RIMKLB: variants seen among roughly 807,000 people sequenced by gnomAD.
RIMKLB encodes the protein beta-citrylglutamate synthase B.
Under a neutral mutation model 32.0 loss-of-function variants are expected in RIMKLB, and 7 were observed. The ratio of observed to expected loss-of-function variants is 0.22; its 90% CI spans 0.12 to 0.41. The LOEUF is 0.41. RIMKLB is among the 10% of genes least tolerant of loss of function. RIMKLB has a pLI of 1.00. For synonymous variants in RIMKLB, 172 were observed against 185.1 expected (o/e 0.93, Z 0.57); for missense variants, 289 against 498.7 (o/e 0.58, Z 4.00).
chr12:8,705,805 G>A (rs1458952027), intron 1 of RIMKLB, among the ~76,000 whole-genome samples: 1 of 152,136 alleles, frequency 6.6e-6, no homozygotes, highest in African/African-American at 2.4e-5. Context: ...TGAAATTTTT[G>A]GGGAGACCAG....
At chr12:8,669,844 A>G in the RIMKLB span, among the ~76,000 whole-genome samples, 1 of 151,474 alleles carries the variant, frequency 6.6e-6, no homozygotes, top group Non-Finnish European at 1.5e-5. Context: ...TGGCTAACAC[A>G]GTGAAACCCC....
chr12:8,753,760 A>G (rs1565618255), intron 4 of RIMKLB, 130 bp from the exon 5 acceptor site: 3 of 700,848 alleles, frequency 4.3e-6, no homozygotes, highest in Admixed American at 2.7e-5. Context: ...CAGTTCTAAC[A>G]AAGAAAACTT....
At chr12:8,727,269 CTG>C (rs1364428763) in intron 2 of RIMKLB, among the ~76,000 whole-genome samples, 1 of 152,176 alleles carries the variant, frequency 6.6e-6, no homozygotes, top group Non-Finnish European at 1.5e-5. Flanking sequence ...GACAGAATCT[CTG>C]TTGCCCAGGC....
chr12:8,695,586 T>C (rs143999758), upstream of RIMKLB, among the ~76,000 whole-genome samples: 1 of 152,286 alleles, frequency 6.6e-6, no homozygotes, highest in East Asian at 1.9e-4. Flanking sequence ...AATACCCTCC[T>C]GAGCTTTGTT....
chr12:8,739,962 G>A (rs938055144), intron 2 of RIMKLB, among the ~76,000 whole-genome samples: 1 of 152,194 alleles, frequency 6.6e-6, no homozygotes, highest in African/African-American at 2.4e-5. Context: ...GGCTGGGGGT[G>A]TGGTGGCATA....
At chr12:8,746,931 C>T (rs1328229331) in intron 2 of RIMKLB, among the ~76,000 whole-genome samples, 1 of 152,038 alleles carries the variant, frequency 6.6e-6, no homozygotes, top group Non-Finnish European at 1.5e-5. Flanking sequence ...TTTGTAGAGA[C>T]GTGGATCTCA....
At chr12:8,766,009 G>A (rs904164560) in intron 5 of RIMKLB, among the ~76,000 whole-genome samples, 2 of 152,030 alleles carry the variant, frequency 1.3e-5, no homozygotes, top group Non-Finnish European at 1.5e-5. Flanking sequence ...TACTGCAGAA[G>A]AATATAAGTC....
intron 1 of RIMKLB, among the ~76,000 whole-genome samples, chr12:8,701,732 C>T (rs184125825): frequency 4.7e-5 from 7 of 150,026 alleles, no homozygotes; most frequent in Non-Finnish European, 7.4e-5. Context: ...GGGCCAGGTG[C>T]GGTGGCTCAC....
intron 2 of RIMKLB, among the ~76,000 whole-genome samples, chr12:8,717,113 C>A (rs777959641): frequency 5.0e-5 from 6 of 118,998 alleles, no homozygotes; most frequent in African/African-American, 1.9e-4. Flanking sequence ...ACTCTCATAT[C>A]TTATAAGGGA....
At chr12:8,748,715 G>C (rs998842241) in intron 2 of RIMKLB, among the ~76,000 whole-genome samples, 3 of 151,902 alleles carry the variant, frequency 2.0e-5, no homozygotes, top group Non-Finnish European at 4.4e-5. Flanking sequence ...GAGGCAGGCA[G>C]ATCACAATGT....
Position 8,776,492 on chromosome 12 carries a change from A to T in RIMKLB, c.*2708A>T. 2.8e-6 allele frequency: 2 copies of T among 713,750 alleles called. No homozygotes were observed. Among genetic ancestry groups the T allele is most frequent in the Non-Finnish European group, 3.4e-6 (2 of 582,488 alleles). The allele number at this position is 713,750 out of a possible 1,614,324, so 44.2% of individuals were successfully genotyped here. ...TATTATGAGAGAGAATGTATATATC[A>T]AATATGTGTAATGATAAAATCTGAA... On this transcript the variant is annotated 3_prime_UTR_variant, in exon 6 of 6. Coordinates refer to ENST00000535829, the MANE Select transcript of RIMKLB (RefSeq NM_001297776.2).
intron 1 of RIMKLB, among the ~76,000 whole-genome samples, chr12:8,689,099 G>C (rs1422560084): frequency 1.3e-5 from 2 of 152,214 alleles, no homozygotes; most frequent in Admixed American, 6.5e-5. Context: ...GCCTCCAAAA[G>C]TGCTGGGATT....
intron 5 of RIMKLB, among the ~76,000 whole-genome samples, chr12:8,763,747 G>C (rs965343613): frequency 6.6e-6 from 1 of 152,206 alleles, no homozygotes; most frequent in Non-Finnish European, 1.5e-5. Context: ...AATTATCCAC[G>C]TACCGAAGGA....
chr12:8,721,732 A>T (rs1399174327), intron 2 of RIMKLB, among the ~76,000 whole-genome samples: 2 of 151,940 alleles, frequency 1.3e-5, no homozygotes, highest in Non-Finnish European at 2.9e-5. Context: ...CTCATGAATT[A>T]TGAGTGTTTT....
At chr12:8,768,172 C>G (rs1488431289) in intron 5 of RIMKLB, among the ~76,000 whole-genome samples, 1 of 152,168 alleles carries the variant, frequency 6.6e-6, no homozygotes, top group East Asian at 1.9e-4. Context: ...TACTGTTCAG[C>G]TCGATTAGGA....
At chr12:8,697,673 C>T (rs1942954861), upstream of RIMKLB, 1 of 294,116 alleles carries the variant, frequency 3.4e-6, no homozygotes, top group Non-Finnish European at 7.4e-6. Flanking sequence ...GGAGCGCCCT[C>T]GCGCTCCCTT....
intron 5 of RIMKLB, among the ~76,000 whole-genome samples, chr12:8,765,454 G>A (rs888055867): frequency 3.3e-5 from 5 of 152,056 alleles, no homozygotes; most frequent in East Asian, 1.9e-4. Context: ...CAGTTATGGC[G>A]GCCCTTCTCT....
chr12:8,677,464 A>G (rs1047096132), upstream of RIMKLB, among the ~76,000 whole-genome samples: 2 of 152,052 alleles, frequency 1.3e-5, no homozygotes, highest in African/African-American at 4.8e-5. Flanking sequence ...TCCATCCTCT[A>G]TTCTTTCCAC....
chr12:8,716,718 T>C lies in RIMKLB; in HGVS notation c.175+2677T>C, dbSNP rs1944881967. 2.7e-5 allele frequency among the ~76,000 whole-genome samples: 4 copies of C among 146,358 alleles called. No individual in the cohort carries two copies. In the South Asian group the frequency reaches 8.5e-4, roughly 31 times the overall value. ...GTTAGCCCTCTAGCTTTTTCTTTCTTTTCCTTCTTTTTTTTTTTTTTTTTT... is the reference window on the plus strand; with the variant it reads ...GTTAGCCCTCTAGCTTTTTCTTTCTCTTCCTTCTTTTTTTTTTTTTTTTTT... On this transcript the variant is annotated intron_variant, in intron 2 of 5. Transcript: ENST00000535829.
Sources: allele counts gnomAD v4.1 joint callset (sites outside exome capture counted in the v4.1 genomes callset), GRCh38; gene constraint gnomAD v4.1.1; transcripts MANE v1.5; gene names NCBI Gene and HGNC (gene_info 2026-07-23, HGNC 2026-07-21).